RASEF: variants seen among roughly 807,000 people sequenced by gnomAD.
RASEF encodes the protein RAS and EF-hand domain containing.
A neutral mutation model predicts 90.1 loss-of-function variants in RASEF; 68 were observed. That is an observed-to-expected ratio of 0.75 (90% CI 0.62 to 0.92). RASEF has a LOEUF of 0.92. Ranked by LOEUF, RASEF falls within the 40% of genes least tolerant of loss-of-function variation. RASEF has a pLI of 0.00. For missense variants in RASEF, 949 were observed against 937.2 expected (o/e 1.01, Z -0.16); for synonymous variants, 331 against 345.2 (o/e 0.96, Z 0.46).
chr9:83,090,790 A>T, the RASEF span, among the ~76,000 whole-genome samples: 23 of 152,066 alleles, frequency 1.5e-4, no homozygotes, highest in African/African-American at 5.6e-4. Flanking sequence ...AAATCAAATT[A>T]TCTTCCCTCC....
At chr9:83,141,927 T>C in the RASEF span, among the ~76,000 whole-genome samples, 2 of 152,176 alleles carry the variant, frequency 1.3e-5, no homozygotes, top group African/African-American at 4.8e-5. Context: ...TCAAAAATCA[T>C]TGAAGTGTAC....
the RASEF span, among the ~76,000 whole-genome samples, chr9:83,176,900 A>T: frequency 6.6e-6 from 1 of 152,094 alleles, no homozygotes; most frequent in Non-Finnish European, 1.5e-5. Flanking sequence ...CCAAGAGAAG[A>T]GCACAAAGCA....
chr9:83,114,993 G>T, the RASEF span, among the ~76,000 whole-genome samples: 6 of 152,126 alleles, frequency 3.9e-5, no homozygotes, highest in Admixed American at 3.9e-4. Flanking sequence ...AAAACTTGCT[G>T]GTTTTACGGC....
chr9:83,032,730 T>A (rs911343949), intron 1 of RASEF, among the ~76,000 whole-genome samples: 2 of 152,178 alleles, frequency 1.3e-5, no homozygotes, highest in African/African-American at 4.8e-5. Context: ...GAACCTTAAA[T>A]AGCAAATATT....
chr9:83,012,858 C>A (rs892612524), intron 4 of RASEF, among the ~76,000 whole-genome samples: 1 of 152,190 alleles, frequency 6.6e-6, no homozygotes, highest in South Asian at 2.1e-4. Flanking sequence ...GTATTATCTG[C>A]ATTTAACACT....
intron 5 of RASEF, 48 bp downstream of exon 5, chr9:83,012,386 G>T: frequency 1.0e-6 from 1 of 956,168 alleles, no homozygotes; most frequent in Non-Finnish European, 1.6e-6. Flanking sequence ...GCATGAGGAT[G>T]TGGTCTAACA....
intron 1 of RASEF, among the ~76,000 whole-genome samples, chr9:83,037,528 C>T (rs190934240): frequency 2.2e-4 from 33 of 152,232 alleles, no homozygotes; most frequent in African/African-American, 7.5e-4. Flanking sequence ...AGTAGAAACA[C>T]ACTGGAATTG....
intron 12 of RASEF, 90 bp from the exon 13 acceptor site, chr9:82,998,536 A>T: frequency 1.2e-6 from 1 of 808,870 alleles, no homozygotes; most frequent in Non-Finnish European, 2.1e-6. Flanking sequence ...GCAAAAGCCA[A>T]TAATACACAG....
chr9:83,216,420 G>A, the RASEF span, among the ~76,000 whole-genome samples: 1 of 152,200 alleles, frequency 6.6e-6, no homozygotes, highest in Admixed American at 6.5e-5. Flanking sequence ...ATGGCTAACA[G>A]GGCCCAAGGT....
the RASEF span, among the ~76,000 whole-genome samples, chr9:83,120,857 C>T: frequency 1.3e-5 from 2 of 152,116 alleles, no homozygotes; most frequent in Non-Finnish European, 2.9e-5. Flanking sequence ...TTTGAGAAAC[C>T]CGGAATTCCT....
chr9:83,175,745 T>G, the RASEF span, among the ~76,000 whole-genome samples: 1 of 152,234 alleles, frequency 6.6e-6, no homozygotes, highest in South Asian at 2.1e-4. Flanking sequence ...CATGCCCGGC[T>G]AATTTTTTGT....
the RASEF span, among the ~76,000 whole-genome samples, chr9:83,081,971 T>C: frequency 6.6e-6 from 1 of 152,142 alleles, no homozygotes; most frequent in Non-Finnish European, 1.5e-5. Context: ...CAGATAATCC[T>C]ATAAAAGAGT....
chr9:83,139,315 G>T, the RASEF span, among the ~76,000 whole-genome samples: 1 of 152,098 alleles, frequency 6.6e-6, no homozygotes, highest in East Asian at 1.9e-4. Context: ...CAACATGGGG[G>T]CTTGGGCTCC....
chr9:83,000,692 G>T, intron 10 of RASEF, 122 bp from the exon 11 acceptor site: 2 of 958,218 alleles, frequency 2.1e-6, no homozygotes, highest in Non-Finnish European at 3.1e-6. Context: ...AACAGTCAAT[G>T]CTATTAATAT....
chr9:83,065,134 TTTCTTA>T (rs1282266382), upstream of RASEF, among the ~76,000 whole-genome samples: 1 of 152,136 alleles, frequency 6.6e-6, no homozygotes, highest in Non-Finnish European at 1.5e-5. Flanking sequence ...TGCATGCATT[TTTCTTA>T]TTCTTATTTC....
intron 6 of RASEF, among the ~76,000 whole-genome samples, chr9:83,007,739 G>A (rs192324164): frequency 7.9e-4 from 120 of 152,000 alleles, no homozygotes; most frequent in African/African-American, 2.6e-3. Context: ...TCTCTGCCCC[G>A]CCTCCGACAT....
At chr9:83,205,372 A>G in the RASEF span, among the ~76,000 whole-genome samples, 1 of 152,230 alleles carries the variant, frequency 6.6e-6, no homozygotes, top group Non-Finnish European at 1.5e-5. Flanking sequence ...TAGCACTTCT[A>G]TCACTTGCAA....
At chr9:83,056,343 G>A (rs932832825) in intron 1 of RASEF, among the ~76,000 whole-genome samples, 3 of 152,134 alleles carry the variant, frequency 2.0e-5, no homozygotes, top group Non-Finnish European at 4.4e-5. Flanking sequence ...CCTCATATGA[G>A]ACTAATACAG....
chr9:83,185,970 C>CG, the RASEF span, among the ~76,000 whole-genome samples: 5 of 151,832 alleles, frequency 3.3e-5, no homozygotes, highest in East Asian at 2.0e-4. Context: ...GAATGGGTGG[C>CG]GGGGGGGGCA....
Sources: allele counts gnomAD v4.1 joint callset (sites outside exome capture counted in the v4.1 genomes callset), GRCh38; gene constraint gnomAD v4.1.1; transcripts MANE v1.5; gene names NCBI Gene and HGNC (gene_info 2026-07-23, HGNC 2026-07-21).